Variants in CFAP61 observed in about 807,000 individuals in gnomAD.
CFAP61 encodes cilia- and flagella-associated protein 61.
CFAP61 carries 107 observed loss-of-function variants against 135.6 expected under a neutral mutation model. The observed-to-expected ratio is 0.79, with a 90% CI of 0.67 to 0.93. The LOEUF (loss-of-function observed/expected upper bound fraction) is 0.93. Ranked by LOEUF, CFAP61 falls within the 40% of genes least tolerant of loss-of-function variation. The probability of loss-of-function intolerance (pLI) is 0.00; values close to 1 mark genes in which losing one functional copy is unlikely to be tolerated. For synonymous variants in CFAP61, 575 were observed against 578.5 expected, an observed-to-expected ratio of 0.99 and a Z score of 0.09; for missense variants, 1,507 against 1,556.2, an observed-to-expected ratio of 0.97 and a Z score of 0.53.
At chr20:20,178,757 C>G (rs1303194675) in intron 13 of CFAP61, among the ~76,000 whole-genome samples, 4 of 152,072 alleles carry the variant, frequency 2.6e-5, no homozygotes, top group Admixed American at 2.6e-4. Flanking sequence ...ATTTCAGGCC[C>G]GTGTTATTGT....
At chr20:20,253,067 A>G (rs904952852) in intron 20 of CFAP61, among the ~76,000 whole-genome samples, 1 of 152,360 alleles carries the variant, frequency 6.6e-6, no homozygotes, top group African/African-American at 2.4e-5. Flanking sequence ...ACTGCTGTGC[A>G]CATGAATCCC....
chr20:20,167,316 CATAATT>C (rs1432267874), intron 12 of CFAP61, among the ~76,000 whole-genome samples: 1 of 152,124 alleles, frequency 6.6e-6, no homozygotes, highest in East Asian at 1.9e-4. Context: ...TGTTCTCCAT[CATAATT>C]TTTAAAAATT....
intron 2 of CFAP61, among the ~76,000 whole-genome samples, chr20:20,066,943 A>T (rs2045317278): frequency 6.6e-6 from 1 of 152,180 alleles, no homozygotes; most frequent in African/African-American, 2.4e-5. Context: ...GTGATGATGT[A>T]AACATTGACT....
chr20:20,163,531 T>C (rs1369942750), intron 10 of CFAP61, among the ~76,000 whole-genome samples: 1 of 152,154 alleles, frequency 6.6e-6, no homozygotes, highest in Admixed American at 6.5e-5. Flanking sequence ...GGACCCTATG[T>C]CAAAGGCCAA....
Position 20,228,258 on chromosome 20 carries a change from G to A in CFAP61, c.1942G>A (p.Ala648Thr), listed in dbSNP as rs1420278845. The change falls in exon 18 of 27, where the codon GCT becomes ACT. Residue 648 changes from alanine to threonine, a missense_variant. By Grantham distance (58) the Ala-to-Thr change is moderately conservative. Transcript: ENST00000245957. The part of the protein sequence containing the change: ...KAVSKDPMSY[A>T]LNHTNRKLTL... ...CGTATTTTTTTTCCAGATGAGTTAT[G>A]CTTTAAACCATACAAACAGAAAACT... 1.2e-6 allele frequency: 2 copies of A among 1,607,588 alleles called. No homozygotes were observed. The highest frequency in any genetic ancestry group is 1.7e-6 in the Non-Finnish European group (2 of 1,174,962).
chr20:20,188,808 C>T (rs2055699332), intron 14 of CFAP61, among the ~76,000 whole-genome samples: 1 of 152,114 alleles, frequency 6.6e-6, no homozygotes, highest in Non-Finnish European at 1.5e-5. Flanking sequence ...CACCATGTAA[C>T]CAGCACATGT....
chr20:20,343,789 G>A (rs1009630181), intron 26 of CFAP61, among the ~76,000 whole-genome samples: 2 of 152,156 alleles, frequency 1.3e-5, no homozygotes, highest in African/African-American at 4.8e-5. Flanking sequence ...AAGCCAGGGG[G>A]TTTTAGTCTT....
At chr20:20,290,674 C>G (rs974397753) in intron 24 of CFAP61, among the ~76,000 whole-genome samples, 1 of 152,212 alleles carries the variant, frequency 6.6e-6, no homozygotes, top group Non-Finnish European at 1.5e-5. Flanking sequence ...AAGAAAGATA[C>G]GACAGCTTCC....
chr20:20,243,385 T>C (rs2146970172), intron 18 of CFAP61, among the ~76,000 whole-genome samples: 2 of 151,988 alleles, frequency 1.3e-5, no homozygotes, highest in East Asian at 3.9e-4. Context: ...CCAAATCTTA[T>C]GCCTTCACAT....
intron 21 of CFAP61, among the ~76,000 whole-genome samples, chr20:20,271,266 G>T (rs924023732): frequency 3.3e-5 from 5 of 152,108 alleles, no homozygotes; most frequent in Non-Finnish European, 5.9e-5. Flanking sequence ...CTACACTCCA[G>T]CCTGAGTGAC....
intron 21 of CFAP61, chr20:20,265,278 G>C: frequency 2.8e-6 from 2 of 720,828 alleles, no homozygotes; most frequent in South Asian, 3.2e-5. Context: ...GGGAGCATTT[G>C]ACCAAGAAAA....
chr20:20,318,736 C>T (rs1218272336), intron 25 of CFAP61, among the ~76,000 whole-genome samples: 1 of 152,198 alleles, frequency 6.6e-6, no homozygotes, highest in East Asian at 1.9e-4. Flanking sequence ...TGTGTCTGCC[C>T]ACTTAGACCA....
intron 4 of CFAP61, 45 bp from the exon 5 acceptor site, chr20:20,075,144 A>G (rs1326771295): frequency 5.1e-6 from 8 of 1,571,722 alleles, no homozygotes; most frequent in Non-Finnish European, 7.0e-6. Context: ...AGCTGATGGG[A>G]TTGCTTTGTT....
rs1296381906 is a variant in CFAP61, at chr20:20,320,392, ATAATATATG to A, written c.3423-21421_3423-21413del. Among the ~76,000 whole-genome samples, 45 of 5,040 alleles carry A rather than the reference ATAATATATG, an allele frequency of 8.9e-3. 2 individuals are homozygous for A. Among genetic ancestry groups the A allele is most frequent in the Non-Finnish European group, 0.023 (27 of 1,168 alleles). The allele number at this position is 5,040 out of a possible 152,430, so 3.3% of individuals were successfully genotyped here. On this transcript the variant is annotated intron_variant, in intron 25 of 26. Transcript: ENST00000245957. ...TATATATTATATATATGTAATATAT[ATAATATATG>A]TAATATATGTAATATATATTATATA... is the stretch of plus-strand genomic sequence containing the variant.
intron 1 of CFAP61, among the ~76,000 whole-genome samples, chr20:20,055,300 A>G (rs1380586196): frequency 6.6e-6 from 1 of 152,188 alleles, no homozygotes; most frequent in Non-Finnish European, 1.5e-5. Context: ...GTGGACTAGA[A>G]TGCCATACCC....
At chr20:20,185,550 A>G (rs984977532) in intron 13 of CFAP61, among the ~76,000 whole-genome samples, 8 of 152,248 alleles carry the variant, frequency 5.3e-5, no homozygotes, top group Non-Finnish European at 1.2e-4. Context: ...TGGAGTTGCC[A>G]TTACCTAAGA....
At chr20:20,079,122 C>T (rs565456305) in intron 6 of CFAP61, among the ~76,000 whole-genome samples, 1 of 152,322 alleles carries the variant, frequency 6.6e-6, no homozygotes, top group East Asian at 1.9e-4. Context: ...GAAGGGGGCC[C>T]TCCTGCCCAG....
At chr20:20,112,511 T>TA (rs2048869423) in intron 8 of CFAP61, among the ~76,000 whole-genome samples, 4 of 152,210 alleles carry the variant, frequency 2.6e-5, no homozygotes, top group African/African-American at 9.6e-5. Flanking sequence ...TTTAATAAGG[T>TA]AAAATAACAA....
At chr20:20,055,515 C>G (rs1392150163) in intron 1 of CFAP61, among the ~76,000 whole-genome samples, 2 of 152,114 alleles carry the variant, frequency 1.3e-5, no homozygotes, top group Non-Finnish European at 2.9e-5. Context: ...CCATTCTATC[C>G]CCAAAACCTG....
Sources: allele counts gnomAD v4.1 joint callset (sites outside exome capture counted in the v4.1 genomes callset), GRCh38; gene constraint gnomAD v4.1.1; transcripts MANE v1.5; gene names NCBI Gene and HGNC (gene_info 2026-07-23, HGNC 2026-07-21).